The following MAP4 variants were observed in gnomAD, a reference collection of about 807,000 sequenced individuals.
MAP4 encodes microtubule-associated protein 4.
A neutral mutation model predicts 170.2 loss-of-function variants in MAP4; 76 were observed. The observed-to-expected ratio is 0.45, with a 90% CI of 0.37 to 0.54. The LOEUF is 0.54. Among genes scored for constraint, MAP4 ranks in the 20% least tolerant of loss-of-function variants. The pLI is 0.00. For synonymous variants in MAP4, 909 were observed against 994.5 expected (o/e 0.91, Z 1.62); for missense variants, 2,506 against 2,748.0 (o/e 0.91, Z 1.97).
intron 1 of MAP4, among the ~76,000 whole-genome samples, chr3:48,023,056 G>A (rs1044655476): frequency 6.6e-6 from 1 of 152,122 alleles, no homozygotes; most frequent in African/African-American, 2.4e-5. Flanking sequence ...CTAGGATGAC[G>A]ATAATGCACT....
chr3:47,855,242 C>A lies in MAP4; in HGVS notation c.6696+6G>T, dbSNP rs554101832. On this transcript the variant is annotated splice_donor_region_variant and intron_variant, in intron 19 of 20. Transcript: ENST00000683076. The surrounding 1 kb of genome is among the most constrained non-coding windows in gnomAD (Gnocchi z 5.1). ...AGCTGTGTCTCCCCAGTGACCCACT[C>A]GCTACCTTCACAGCACCTCCTGCAG... 3.1e-6 allele frequency: 5 copies of A among 1,608,232 alleles called. No individual in the cohort carries two copies. Among genetic ancestry groups the A allele is most frequent in the Non-Finnish European group, 3.4e-6 (4 of 1,174,820 alleles).
chr3:48,079,512 G>A (rs1054544570), intron 1 of MAP4, among the ~76,000 whole-genome samples: 2 of 151,620 alleles, frequency 1.3e-5, no homozygotes, highest in Admixed American at 6.6e-5. Context: ...AAATTAGCTG[G>A]GGCCTGGTGG....
At chr3:47,976,190 C>T (rs1267860499) in intron 3 of MAP4, among the ~76,000 whole-genome samples, 3 of 152,196 alleles carry the variant, frequency 2.0e-5, no homozygotes, top group Non-Finnish European at 2.9e-5. Context: ...AAGAACAGAA[C>T]GACCTACTCT....
rs2100038881 is a variant in MAP4 at position 47,916,193 on chromosome 3, G to T, written c.1634C>A (p.Thr545Asn). Residue 545 changes from threonine to asparagine, a missense_variant, in exon 7 of 21, where the codon ACT becomes AAT. Physicochemically the swap from Thr to Asn is moderately conservative, Grantham distance 65 (BLOSUM62 0). This residue lies in a region of MAP4 where 2,008 missense variants were observed against 2,206.0 expected (regional missense o/e 0.91). Transcript: ENST00000683076. The part of the protein sequence containing the change: ...CLPPEMEVAL[T>N]EDQVPALKTE... Reference sequence around the variant, plus strand: ...TTTGAGGGCTGGGACCTGATCCTCAGTCAGGGCCACCTCCATTTCTGGAGG... The same window carrying T: ...TTTGAGGGCTGGGACCTGATCCTCATTCAGGGCCACCTCCATTTCTGGAGG... 6.2e-7 allele frequency: 1 copy of T among 1,614,210 alleles called. No homozygotes were observed. The highest frequency in any genetic ancestry group is 8.5e-7 in the Non-Finnish European group (1 of 1,180,022).
intron 10 of MAP4, among the ~76,000 whole-genome samples, chr3:47,901,481 G>C (rs1026847774): frequency 1.3e-5 from 2 of 152,066 alleles, no homozygotes; most frequent in Non-Finnish European, 2.9e-5. Flanking sequence ...TTCAAGACTA[G>C]GTTGTGCAAC....
intron 4 of MAP4, among the ~76,000 whole-genome samples, chr3:47,922,974 C>T (rs529327214): frequency 2.3e-4 from 35 of 151,922 alleles, no homozygotes; most frequent in South Asian, 8.3e-4. Flanking sequence ...CGCTTGAACA[C>T]GGGAGGCAGA....
At chr3:48,050,803 G>T (rs2100127350) in intron 1 of MAP4, among the ~76,000 whole-genome samples, 1 of 151,578 alleles carries the variant, frequency 6.6e-6, no homozygotes. Context: ...TACTCGGGAG[G>T]CTGAGGCAAG....
intron 1 of MAP4, among the ~76,000 whole-genome samples, chr3:48,006,288 T>C (rs2100102274): frequency 6.6e-6 from 1 of 152,130 alleles, no homozygotes; most frequent in Non-Finnish European, 1.5e-5. Context: ...CTTTCTCCCA[T>C]CCTTCCCCAA....
At chr3:47,888,632 C>T (rs537096549) in intron 10 of MAP4, among the ~76,000 whole-genome samples, 22 of 152,280 alleles carry the variant, frequency 1.4e-4, no homozygotes, top group Admixed American at 8.5e-4. Context: ...ACACTCACCG[C>T]GAGGGTCCGT....
At chr3:48,074,676 T>TTTTTTGTG (rs746281743) in intron 1 of MAP4, among the ~76,000 whole-genome samples, 10 of 90,640 alleles carry the variant, frequency 1.1e-4, no homozygotes, top group Non-Finnish European at 1.9e-4. Context: ...ATCCAGCTAA[T>TTTTTTGTG]TGTGTGTGTG....
chr3:47,915,288 G>T (rs1163098451), intron 7 of MAP4, among the ~76,000 whole-genome samples: 1 of 151,808 alleles, frequency 6.6e-6, no homozygotes. Flanking sequence ...GGCTAATTTT[G>T]TATTTTTAGT....
intron 1 of MAP4, among the ~76,000 whole-genome samples, chr3:48,008,594 A>G (rs549905451): frequency 6.6e-6 from 1 of 152,316 alleles, no homozygotes; most frequent in Admixed American, 6.5e-5. Context: ...AATTTGGGGA[A>G]GAGGTATGTG....
chr3:47,919,209 G>C (rs545249100), intron 5 of MAP4, among the ~76,000 whole-genome samples: 1 of 152,186 alleles, frequency 6.6e-6, no homozygotes, highest in African/African-American at 2.4e-5. Context: ...GGGATTACAG[G>C]CGTGAACCAC....
chr3:47,941,159 C>T (rs544200593), intron 3 of MAP4, among the ~76,000 whole-genome samples: 111 of 143,648 alleles, frequency 7.7e-4, no homozygotes, highest in African/African-American at 2.8e-3. Context: ...GATTACAGCG[C>T]CTGGCCAGAG....
At chr3:48,066,822 CTTTTTTTTTTTTTTTTTTT>C (rs55939839) in intron 1 of MAP4, among the ~76,000 whole-genome samples, 13 of 65,830 alleles carry the variant, frequency 2.0e-4, no homozygotes, top group Middle Eastern at 0.011. Context: ...TCTCTAATTC[CTTTTTTTTTTTTTTTTTTT>C]TTTTTTTTTT....
intron 1 of MAP4, among the ~76,000 whole-genome samples, chr3:48,073,252 T>TACACAC (rs35163339): frequency 3.6e-4 from 49 of 134,580 alleles, no homozygotes; most frequent in African/African-American, 8.2e-4. Context: ...TCCAAAGGAA[T>TACACAC]ACACACACAC....
chr3:48,079,251 T>A lies in MAP4; in HGVS notation c.-20+9522A>T, dbSNP rs957605441. Among the ~76,000 whole-genome samples the A allele has an allele frequency of 9.9e-5, 15 of 152,212 alleles. No homozygotes were observed. In the South Asian group the frequency reaches 2.5e-3, roughly 25 times the overall value. Reference sequence around the variant, plus strand: ...AGGAAATGCTCACTAGAGAGCATTTTGGAATATCTGTATACTACAGATATT... The same window carrying A: ...AGGAAATGCTCACTAGAGAGCATTTAGGAATATCTGTATACTACAGATATT... On this transcript the variant is annotated intron_variant, in intron 1 of 18. Transcript: ENST00000360240.
chr3:48,015,494 T>A (rs2100107345), intron 1 of MAP4, among the ~76,000 whole-genome samples: 2 of 152,294 alleles, frequency 1.3e-5, no homozygotes, highest in East Asian at 3.9e-4. Flanking sequence ...GTCGCCAGTG[T>A]GGGAGATCAT....
At position 48,016,328 on chromosome 3, in the gene MAP4, A is replaced by G. The variant is rs560112709; in HGVS notation, c.-20+6T>C. ...ACAAAGTTAAAAGGCTACCTTGCTT[A>G]CTTACAGGAACTATCCAGGCAGCTT... On this transcript the variant is annotated splice_donor_region_variant and intron_variant, in intron 1 of 20. Coordinates refer to ENST00000683076, the MANE Select transcript of MAP4 (RefSeq NM_001385682.1). 7.3e-5 allele frequency: 11 copies of G among 149,940 alleles called. No homozygotes were observed. The South Asian group carries it at 1.7e-3, about 23-fold the overall frequency. The allele number at this position is 149,940 out of a possible 1,614,324, so 9.3% of individuals were successfully genotyped here. A position where few individuals can be genotyped will look rare whatever the true frequency, so the allele number is the denominator to read the frequency against.
Sources: gnomAD v4.1 joint callset for allele counts (sites outside exome capture counted in the v4.1 genomes callset) on GRCh38, gnomAD v4.1.1 for gene constraint, gnomAD v4.1.1 regional missense constraint, Gnocchi (gnomAD v3.1) non-coding constraint, MANE v1.5 for transcripts, NCBI Gene and HGNC (gene_info 2026-07-23, HGNC 2026-07-21) for gene names.